The following ASXL2 variants were observed in gnomAD, a reference collection of about 807,000 sequenced individuals.
The protein encoded by ASXL2 is putative Polycomb group protein ASXL2.
Under a neutral mutation model 122.0 loss-of-function variants are expected in ASXL2, and 23 were observed. The observed-to-expected ratio is 0.19, with a 90% CI of 0.14 to 0.27. The LOEUF is 0.27. Among genes scored for constraint, ASXL2 ranks in the 10% least tolerant of loss-of-function variants. The pLI is 1.00. For missense variants in ASXL2, 1,518 were observed against 1,713.8 expected, an observed-to-expected ratio of 0.89 and a Z score of 2.02; for synonymous variants, 650 against 637.0, an observed-to-expected ratio of 1.02 and a Z score of -0.31.
chr2:25,866,716 T>C (rs946263932), intron 1 of ASXL2, among the ~76,000 whole-genome samples: 3 of 152,138 alleles, frequency 2.0e-5, no homozygotes, highest in Non-Finnish European at 4.4e-5. Context: ...TTGTCAGAAA[T>C]AAATATATCA....
Position 25,740,050 on chromosome 2 carries a change from T to A in ASXL2, c.*1979A>T, listed in dbSNP as rs1415103957. The A allele has an allele frequency of 1.3e-5, 3 of 226,400 alleles. No homozygotes were observed. The highest frequency in any genetic ancestry group is 6.7e-5 in the African/African-American group (3 of 44,950). The allele number at this position is 226,400 out of a possible 1,614,324, so 14.0% of individuals were successfully genotyped here. ...TCTTGGCTTGAAAATATACTCCTTA[T>A]CCCCAATCCTTGCAGCCTTCTTATC... On this transcript the variant is annotated 3_prime_UTR_variant, in exon 13 of 13. Coordinates refer to ENST00000435504, the MANE Select transcript of ASXL2 (RefSeq NM_018263.6).
At chr2:25,840,966 G>A (rs1005129919) in intron 2 of ASXL2, among the ~76,000 whole-genome samples, 2 of 152,162 alleles carry the variant, frequency 1.3e-5, no homozygotes, top group East Asian at 1.9e-4. Flanking sequence ...AGCATAGTAC[G>A]TGTTTCATTC....
At chr2:25,849,452 C>CAAAAAAAA (rs34833277) in intron 1 of ASXL2, among the ~76,000 whole-genome samples, 1 of 70,654 alleles carries the variant, frequency 1.4e-5, no homozygotes, top group African/African-American at 5.5e-5. Context: ...GACTCTGACT[C>CAAAAAAAA]AAAAAAAAAA....
At chr2:25,869,997 G>C (rs1187082583) in intron 1 of ASXL2, among the ~76,000 whole-genome samples, 1 of 152,018 alleles carries the variant, frequency 6.6e-6, no homozygotes, top group Admixed American at 6.6e-5. Context: ...AGCCACTTGG[G>C]AGGCTGAGGT....
chr2:25,875,367 C>T (rs144593462), intron 1 of ASXL2, among the ~76,000 whole-genome samples: 103 of 152,208 alleles, frequency 6.8e-4, no homozygotes, highest in Non-Finnish European at 1.2e-3. Context: ...ACTTGGGAAG[C>T]TAGGACAGGA....
At chr2:25,809,104 G>A (rs2089127833) in intron 3 of ASXL2, among the ~76,000 whole-genome samples, 2 of 152,148 alleles carry the variant, frequency 1.3e-5, no homozygotes, top group African/African-American at 4.8e-5. Context: ...ACCCAGAAAA[G>A]GATAATGAGA....
At chr2:25,745,223 T>G (rs2087921220) in intron 12 of ASXL2, among the ~76,000 whole-genome samples, 1 of 151,956 alleles carries the variant, frequency 6.6e-6, no homozygotes, top group Non-Finnish European at 1.5e-5. Context: ...AGTCTTTTTT[T>G]TTTTTTTTAG....
intron 2 of ASXL2, among the ~76,000 whole-genome samples, chr2:25,841,398 C>T (rs2089576522): frequency 6.6e-6 from 1 of 152,104 alleles, no homozygotes; most frequent in African/African-American, 2.4e-5. Flanking sequence ...TATTCATTAA[C>T]AAGTAGGTTT....
chr2:25,849,139 G>C (rs1007701943), intron 1 of ASXL2, among the ~76,000 whole-genome samples: 1 of 138,300 alleles, frequency 7.2e-6, no homozygotes, highest in African/African-American at 2.7e-5. Context: ...TAGGCATTTA[G>C]AATTAGTTTT....
At chr2:25,847,742 A>G (rs2089665733) in intron 1 of ASXL2, among the ~76,000 whole-genome samples, 1 of 152,228 alleles carries the variant, frequency 6.6e-6, no homozygotes, top group East Asian at 1.9e-4. Context: ...CATATGAAAA[A>G]GCATTTGCAC....
intron 1 of ASXL2, among the ~76,000 whole-genome samples, chr2:25,868,594 A>G (rs1432283484): frequency 6.6e-6 from 1 of 152,250 alleles, no homozygotes; most frequent in Non-Finnish European, 1.5e-5. Flanking sequence ...TCCAAATGTA[A>G]CTCAAAAGAA....
intron 4 of ASXL2, among the ~76,000 whole-genome samples, chr2:25,800,272 T>A (rs1222252109): frequency 6.6e-6 from 1 of 152,182 alleles, no homozygotes; most frequent in Admixed American, 6.5e-5. Flanking sequence ...CACTCCAACA[T>A]GGGTGACAGA....
At chr2:25,781,670 CTTT>C (rs34167762) in intron 5 of ASXL2, among the ~76,000 whole-genome samples, 3 of 121,750 alleles carry the variant, frequency 2.5e-5, no homozygotes, top group Non-Finnish European at 3.4e-5. Flanking sequence ...ACACACCTGG[CTTT>C]TTTTTTTTTT....
intron 3 of ASXL2, among the ~76,000 whole-genome samples, chr2:25,823,626 T>C (rs745671918): frequency 1.3e-5 from 2 of 152,172 alleles, no homozygotes; most frequent in Non-Finnish European, 1.5e-5. Context: ...AAGCTGTACA[T>C]TGTTGTTTGT....
At chr2:25,828,481 T>G (rs1280772706) in intron 3 of ASXL2, among the ~76,000 whole-genome samples, 1 of 106,794 alleles carries the variant, frequency 9.4e-6, no homozygotes, top group Non-Finnish European at 1.8e-5. Context: ...ACTCCCTCCC[T>G]GGGCAACAAA....
At chr2:25,777,051 T>C (rs1457240343) in intron 5 of ASXL2, among the ~76,000 whole-genome samples, 1 of 152,192 alleles carries the variant, frequency 6.6e-6, no homozygotes, top group Non-Finnish European at 1.5e-5. Flanking sequence ...TGCTAAGTAC[T>C]GCTCTATGAA....
At chr2:25,751,670 G>C (rs1321233778) in intron 11 of ASXL2, among the ~76,000 whole-genome samples, 2 of 151,498 alleles carry the variant, frequency 1.3e-5, no homozygotes, top group South Asian at 4.2e-4. Context: ...AAAAAGGAGG[G>C]AATGAACAAA....
At chr2:25,757,504 AAC>A (rs550460261) in intron 9 of ASXL2, among the ~76,000 whole-genome samples, 4 of 148,754 alleles carry the variant, frequency 2.7e-5, no homozygotes, top group Admixed American at 6.7e-5. Context: ...AGAAAAAGAA[AAC>A]ACACACACAC....
At chr2:25,874,091 C>T (rs1574458810) in intron 1 of ASXL2, among the ~76,000 whole-genome samples, 1 of 152,154 alleles carries the variant, frequency 6.6e-6, no homozygotes, top group African/African-American at 2.4e-5. Context: ...CATCCGTAAT[C>T]CTAACACTTT....
Sources: allele counts gnomAD v4.1 joint callset (sites outside exome capture counted in the v4.1 genomes callset), GRCh38; gene constraint gnomAD v4.1.1; transcripts MANE v1.5; gene names NCBI Gene and HGNC (gene_info 2026-07-23, HGNC 2026-07-21).